The following KANK1 variants were observed in gnomAD, a reference collection of about 807,000 sequenced individuals.
The protein encoded by KANK1 is KN motif and ankyrin repeat domain-containing protein 1.
In KANK1, 109 loss-of-function variants were observed where a neutral mutation model predicts 106.2. The ratio of observed to expected loss-of-function variants is 1.03; its 90% CI spans 0.88 to 1.20. KANK1 has a LOEUF of 1.20. Among genes scored for constraint, KANK1 ranks in the 50% most tolerant of loss-of-function variants. KANK1 has a pLI of 0.00. For missense variants in KANK1, 2,399 were observed against 1,710.7 expected (o/e 1.40, Z -7.10); for synonymous variants, 873 against 652.2 (o/e 1.34, Z -5.16).
chr9:675,581 T>C (rs1341540105), intron 1 of KANK1, among the ~76,000 whole-genome samples: 5 of 152,126 alleles, frequency 3.3e-5, no homozygotes, highest in Non-Finnish European at 7.3e-5. Flanking sequence ...CAGGTAACTT[T>C]TAAATAGAAA....
At chr9:596,058 A>C (rs569656976) in intron 1 of KANK1, among the ~76,000 whole-genome samples, 1 of 151,862 alleles carries the variant, frequency 6.6e-6, no homozygotes, top group South Asian at 2.1e-4. Context: ...TACACCTTAT[A>C]TACAAAGACT....
intron 2 of KANK1, among the ~76,000 whole-genome samples, chr9:682,386 A>G (rs544772367): frequency 2.0e-5 from 3 of 152,196 alleles, no homozygotes; most frequent in East Asian, 1.9e-4. Flanking sequence ...TATTTTTAGT[A>G]TTTATTTTTC....
At chr9:592,877 C>G (rs1825314250) in intron 1 of KANK1, among the ~76,000 whole-genome samples, 1 of 151,718 alleles carries the variant, frequency 6.6e-6, no homozygotes, top group South Asian at 2.1e-4. Context: ...CTTGGGTAGT[C>G]CTTTGTGCAA....
chr9:728,092 C>T (rs544799780), intron 3 of KANK1, among the ~76,000 whole-genome samples: 2 of 152,276 alleles, frequency 1.3e-5, no homozygotes, highest in South Asian at 2.1e-4. Flanking sequence ...CAAATTCCAA[C>T]CTGACTCTCC....
intron 1 of KANK1, among the ~76,000 whole-genome samples, chr9:546,786 C>T (rs1471384024): frequency 6.6e-6 from 1 of 151,652 alleles, no homozygotes; most frequent in Non-Finnish European, 1.5e-5. Flanking sequence ...TCTATTTTGG[C>T]AACCAAGTAC....
chr9:614,943 G>A (rs1278610931), intron 1 of KANK1, among the ~76,000 whole-genome samples: 2 of 151,574 alleles, frequency 1.3e-5, no homozygotes, highest in East Asian at 3.9e-4. Context: ...TAATTTTATG[G>A]TACCCATCCC....
intron 1 of KANK1, among the ~76,000 whole-genome samples, chr9:505,145 C>A (rs944425629): frequency 2.6e-5 from 4 of 152,124 alleles, no homozygotes; most frequent in Non-Finnish European, 5.9e-5. Context: ...GGCGCTCTGT[C>A]CCTCGGATGC....
At chr9:502,550 G>GAC (rs1387665365), upstream of KANK1, among the ~76,000 whole-genome samples, 1 of 130,120 alleles carries the variant, frequency 7.7e-6, no homozygotes, top group African/African-American at 3.9e-5. Context: ...TTTTCTTAGA[G>GAC]TCGTGCTCTG....
chr9:745,297 G>T lies in KANK1; in HGVS notation c.*62G>T. On this transcript the variant is annotated 3_prime_UTR_variant, in exon 12 of 12. Coordinates refer to ENST00000382297, the MANE Select transcript of KANK1 (RefSeq NM_015158.5). ...TAAGCTGCTAATTGTTCCTGTTGGG[G>T]TGACAGATACTGAATGTATACGTAT... 6.3e-7 allele frequency: 1 copy of T among 1,596,406 alleles called. No individual in the cohort carries two copies. The highest frequency in any genetic ancestry group is 8.6e-7 in the Non-Finnish European group (1 of 1,164,330).
At chr9:490,308 C>G (rs1221839106) in intron 3 of KANK1, among the ~76,000 whole-genome samples, 1 of 152,104 alleles carries the variant, frequency 6.6e-6, no homozygotes, top group African/African-American at 2.4e-5. Flanking sequence ...GAGTTCAAGA[C>G]CATCCTGGGC....
intron 1 of KANK1, among the ~76,000 whole-genome samples, chr9:534,310 A>T (rs1179031703): frequency 1.3e-5 from 2 of 152,172 alleles, no homozygotes; most frequent in Non-Finnish European, 2.9e-5. Flanking sequence ...TTTTTTTGAA[A>T]GTATTATTGT....
intron 2 of KANK1, among the ~76,000 whole-genome samples, chr9:709,030 C>G (rs960007894): frequency 1.3e-5 from 2 of 152,204 alleles, no homozygotes; most frequent in Non-Finnish European, 2.9e-5. Flanking sequence ...CTGAGTGCCA[C>G]ATGATCCAGT....
Position 732,601 on chromosome 9 carries a change from G to C in KANK1, c.3229G>C (p.Val1077Leu). The change falls in exon 6 of 12, where the codon GTG becomes CTG. Residue 1077 changes from valine (V) to leucine (L), a missense_variant. Coordinates refer to ENST00000382297, the MANE Select transcript of KANK1 (RefSeq NM_015158.5). ...GGTTCAAGAATGTGAACCTGAGAAG[G>C]TGGAAATCAGAGAGAGGTGTGGTAC... ...MQVQECEPEK[V>L]EIRERYELSE... 6.2e-7 allele frequency: 1 copy of C among 1,614,094 alleles called. No individual in the cohort carries two copies. The highest frequency in any genetic ancestry group is 1.1e-5 in the South Asian group (1 of 91,076).
intron 1 of KANK1, among the ~76,000 whole-genome samples, chr9:518,532 A>G (rs12351500): frequency 0.022 from 3,326 of 151,640 alleles, 238 homozygotes; most frequent in African/African-American, 0.078. Context: ...AAACTCTACT[A>G]TTTCCTGCGA....
In KANK1 at chr9:700,593, A is replaced by T. The variant is rs563678358; in HGVS notation, c.38-10211A>T. Among the ~76,000 whole-genome samples, 14 of 152,296 alleles carry T rather than the reference A, an allele frequency of 9.2e-5. 1 individual carries two copies. The South Asian group carries it at 2.5e-3, about 27-fold the overall frequency. On this transcript the variant is annotated intron_variant, in intron 2 of 11. Transcript: ENST00000382297. ...CTTTTTGACTGCTTTGAACAGCAGG[A>T]TGCTTACACTCTGGGGCTTTTAAAT...
intron 1 of KANK1, among the ~76,000 whole-genome samples, chr9:538,696 G>A (rs1442581386): frequency 3.3e-5 from 5 of 152,194 alleles, no homozygotes; most frequent in Non-Finnish European, 7.3e-5. Context: ...AGGAGTCAGA[G>A]TTGGGGTGGA....
intron 1 of KANK1, among the ~76,000 whole-genome samples, chr9:616,090 C>G (rs1372667967): frequency 6.6e-6 from 1 of 152,204 alleles, no homozygotes; most frequent in South Asian, 2.1e-4. Flanking sequence ...CAGCCGAGCA[C>G]CACATCCACT....
chr9:732,424 T>G lies in KANK1; in HGVS notation c.3052T>G (p.Ser1018Ala), dbSNP rs1191167847. 6.2e-6 allele frequency: 10 copies of G among 1,614,134 alleles called. No homozygotes were observed. Among genetic ancestry groups the G allele is most frequent in the Non-Finnish European group, 8.5e-6 (10 of 1,179,994 alleles). Residue 1018 changes from serine (S) to alanine (A), a missense_variant, in exon 6 of 12, where the codon TCT becomes GCT. Transcript: ENST00000382297. ...SDDSSSDESS[S>A]SESDDECDVI... is the part of the protein sequence containing the mutation. ...TGATTCCAGCTCAGATGAAAGCTCTTCTTCCGAGTCAGATGACGAGTGTGA... is the reference window on the plus strand; with the variant it reads ...TGATTCCAGCTCAGATGAAAGCTCTGCTTCCGAGTCAGATGACGAGTGTGA...
intron 1 of KANK1, among the ~76,000 whole-genome samples, chr9:589,014 G>A (rs1824190392): frequency 1.3e-5 from 2 of 151,938 alleles, no homozygotes; most frequent in Non-Finnish European, 2.9e-5. Flanking sequence ...TGACCTTGAA[G>A]CATTGTTAGT....
Sources: allele counts gnomAD v4.1 joint callset (sites outside exome capture counted in the v4.1 genomes callset), GRCh38; gene constraint gnomAD v4.1.1; transcripts MANE v1.5; gene names NCBI Gene and HGNC (gene_info 2026-07-23, HGNC 2026-07-21).